Variants in ZNF610 observed in about 807,000 individuals in gnomAD.
ZNF610 encodes zinc finger protein 610, also known as zink finger protein.
ZNF610 carries 14 observed loss-of-function variants against 14.1 expected under a neutral mutation model. That is an observed-to-expected ratio of 0.99 (90% CI 0.65 to 1.55). ZNF610 has a LOEUF of 1.55. Ranked by LOEUF, ZNF610 falls within the 40% of genes most tolerant of loss-of-function variation. ZNF610 has a pLI of 0.00. For missense variants in ZNF610, 530 were observed against 558.0 expected (o/e 0.95, Z 0.51); for synonymous variants, 185 against 187.6 (o/e 0.99, Z 0.11).
intron 2 of ZNF610, 181 bp downstream of exon 2, chr19:52,348,125 A>C: frequency 6.6e-6 from 1 of 152,224 alleles, no homozygotes; most frequent in South Asian, 2.1e-4. Context: ...CATATACCCT[A>C]GGTGTGTAGT....
At chr19:52,350,413 C>G (rs1985193888) in intron 3 of ZNF610, among the ~76,000 whole-genome samples, 1 of 152,202 alleles carries the variant, frequency 6.6e-6, no homozygotes, top group Admixed American at 6.5e-5. Flanking sequence ...CGTGGTGGCT[C>G]ACGCCTGTAA....
intron 5 of ZNF610, 102 bp from the exon 6 acceptor site, chr19:52,365,593 ACTT>A (rs1985981206): frequency 1.3e-5 from 13 of 1,004,874 alleles, no homozygotes; most frequent in Non-Finnish European, 1.9e-5. Context: ...GTATGCCGAT[ACTT>A]CTTCCAGTGT....
intron 5 of ZNF610, among the ~76,000 whole-genome samples, chr19:52,363,820 G>A (rs535792117): frequency 1.3e-5 from 2 of 152,232 alleles, no homozygotes; most frequent in East Asian, 3.9e-4. Context: ...ATTCCAATGG[G>A]AAATCATTTG....
chr19:52,351,192 C>G (rs1006397107), intron 3 of ZNF610, among the ~76,000 whole-genome samples: 60 of 152,230 alleles, frequency 3.9e-4, no homozygotes, highest in African/African-American at 1.4e-3. Flanking sequence ...TGCAGTGGCT[C>G]ACGCCTGTAA....
At chr19:52,350,372 G>A (rs747373801) in intron 3 of ZNF610, among the ~76,000 whole-genome samples, 3 of 152,126 alleles carry the variant, frequency 2.0e-5, no homozygotes, top group Non-Finnish European at 4.4e-5. Context: ...AGCATGTCCT[G>A]TAGAAATATA....
At position 52,355,934 on chromosome 19, in the gene ZNF610, C is replaced by T. The variant is rs2560981; in HGVS notation, c.319+1555C>T. 4.5e-3 allele frequency among the ~76,000 whole-genome samples: 679 copies of T among 152,334 alleles called. 12 individuals carry two copies. In the East Asian group the frequency reaches 0.072, roughly 16 times the overall value. ...CCATAGTTCACGAGCGGCTTCATCA[C>T]GTAGGCGTGATTGATATTAACTCAA... On this transcript the variant is annotated intron_variant, in intron 5 of 5. Transcript: ENST00000403906.
chr19:52,355,893 G>A (rs1252857426), intron 5 of ZNF610, among the ~76,000 whole-genome samples: 1 of 152,196 alleles, frequency 6.6e-6, no homozygotes, highest in Admixed American at 6.5e-5. Flanking sequence ...TTCAGCATTT[G>A]GAACCTCTTG....
At chr19:52,340,004 T>G (rs1984600242) in intron 1 of ZNF610, among the ~76,000 whole-genome samples, 1 of 152,232 alleles carries the variant, frequency 6.6e-6, no homozygotes, top group South Asian at 2.1e-4. Context: ...GGCAGCCTTG[T>G]GGGACTGCAC....
At chr19:52,362,455 T>C (rs1985830095) in intron 5 of ZNF610, among the ~76,000 whole-genome samples, 1 of 152,234 alleles carries the variant, frequency 6.6e-6, no homozygotes, top group Non-Finnish European at 1.5e-5. Context: ...TGTCTTGTAT[T>C]GTTGCCTGTG....
chr19:52,342,219 G>A (rs571592639), intron 1 of ZNF610, among the ~76,000 whole-genome samples: 1 of 152,198 alleles, frequency 6.6e-6, no homozygotes, highest in Admixed American at 6.5e-5. Flanking sequence ...TATCCAGATG[G>A]AGGCATCATT....
rs1213904466 is a variant in ZNF610, at chr19:52,346,314, G to A, written c.-257-1393G>A. 2.0e-5 allele frequency among the ~76,000 whole-genome samples: 3 copies of A among 150,574 alleles called. 1 individual carries two copies. Among genetic ancestry groups the A allele is most frequent in the African/African-American group, 7.4e-5 (3 of 40,346 alleles). On this transcript the variant is annotated intron_variant, in intron 1 of 5. Transcript: ENST00000403906. ...TGAGTAGCTGGGATTACAGGCATGCGCCACCATGCCCAGCTAATTTTTGTA... is the reference window on the plus strand; with the variant it reads ...TGAGTAGCTGGGATTACAGGCATGCACCACCATGCCCAGCTAATTTTTGTA...
intron 5 of ZNF610, among the ~76,000 whole-genome samples, chr19:52,355,655 T>C (rs1217332892): frequency 2.0e-5 from 3 of 152,256 alleles, no homozygotes; most frequent in Non-Finnish European, 4.4e-5. Flanking sequence ...ATTGTCACCT[T>C]TCTGTCTGAC....
At chr19:52,340,118 GGGCCAGACGCGTT>G (rs1347164732) in intron 1 of ZNF610, among the ~76,000 whole-genome samples, 1 of 152,208 alleles carries the variant, frequency 6.6e-6, no homozygotes, top group Non-Finnish European at 1.5e-5. Context: ...TGGTCAGCAC[GGGCCAGACGCGTT>G]GGCTTAAGCC....
chr19:52,343,198 G>A (rs887827948), intron 1 of ZNF610, among the ~76,000 whole-genome samples: 3 of 152,130 alleles, frequency 2.0e-5, no homozygotes, highest in African/African-American at 7.2e-5. Context: ...CCTGTCAAAT[G>A]TATTTAAAAT....
At chr19:52,362,711 T>C (rs993462791) in intron 5 of ZNF610, among the ~76,000 whole-genome samples, 8 of 152,354 alleles carry the variant, frequency 5.3e-5, no homozygotes, top group Non-Finnish European at 1.2e-4. Flanking sequence ...CATTTGGACA[T>C]ATCTGTGGGT....
chr19:52,363,910 A>AT (rs1985904742), intron 5 of ZNF610, among the ~76,000 whole-genome samples: 1 of 151,798 alleles, frequency 6.6e-6, no homozygotes, highest in Non-Finnish European at 1.5e-5. Flanking sequence ...CATCTTGTAG[A>AT]TTTTTTTGTC....
chr19:52,366,194 T>C lies in ZNF610; in HGVS notation c.816T>C (p.Asn272=), dbSNP rs1219858456. 1 of 1,613,874 alleles carries C rather than the reference T, an allele frequency of 6.2e-7. No individual in the cohort carries two copies. Residue 272 remains asparagine, a synonymous_variant, in exon 6 of 6, where the codon AAT becomes AAC. Coordinates refer to ENST00000403906, the MANE Select transcript of ZNF610 (RefSeq NM_001161425.2). ...AATGTGACAAGGTGTTTAATCGCAA[T>C]TCAAACCTTGCACGACATCAAAGAA... ...CSECDKVFNR[N]SNLARHQRIH... is the part of the protein sequence containing the mutation.
chr19:52,341,286 T>C (rs1412912738), intron 1 of ZNF610, among the ~76,000 whole-genome samples: 1 of 152,118 alleles, frequency 6.6e-6, no homozygotes, highest in Non-Finnish European at 1.5e-5. Flanking sequence ...TCTAAATTTA[T>C]TTTTATTTTT....
chr19:52,340,381 A>C (rs994246064), intron 1 of ZNF610, among the ~76,000 whole-genome samples: 1 of 152,168 alleles, frequency 6.6e-6, no homozygotes, highest in Non-Finnish European at 1.5e-5. Flanking sequence ...ACTCCGTCTC[A>C]AACATGGGGG....
Sources: allele counts gnomAD v4.1 joint callset (sites outside exome capture counted in the v4.1 genomes callset), GRCh38; gene constraint gnomAD v4.1.1; transcripts MANE v1.5; gene names NCBI Gene and HGNC (gene_info 2026-07-23, HGNC 2026-07-21).